CYTIP: variants seen among roughly 807,000 people sequenced by gnomAD.
CYTIP encodes the protein cytohesin-interacting protein.
In CYTIP, 26 loss-of-function variants were observed where a neutral mutation model predicts 43.8. That is an observed-to-expected ratio of 0.59 (90% CI 0.44 to 0.82). The LOEUF (loss-of-function observed/expected upper bound fraction) is 0.82, where lower values mean the gene tolerates loss of function less well. Ranked by LOEUF, CYTIP falls within the 40% of genes least tolerant of loss-of-function variation. The pLI is 0.00. For missense variants in CYTIP, 426 were observed against 443.1 expected (o/e 0.96, Z 0.35); for synonymous variants, 162 against 162.9 (o/e 0.99, Z 0.04).
chr2:157,420,558 G>C (rs1376311202), intron 6 of CYTIP, among the ~76,000 whole-genome samples: 1 of 143,686 alleles, frequency 7.0e-6, no homozygotes, highest in Admixed American at 7.4e-5. Flanking sequence ...GGCTGATGTA[G>C]AAGGATCACT....
At chr2:157,428,393 T>TA (rs1184198518) in intron 5 of CYTIP, among the ~76,000 whole-genome samples, 1 of 152,216 alleles carries the variant, frequency 6.6e-6, no homozygotes, top group Non-Finnish European at 1.5e-5. Context: ...AATAATCAGG[T>TA]GGTAGCAAGC....
At chr2:157,425,527 T>G (rs183010716) in intron 6 of CYTIP, among the ~76,000 whole-genome samples, 1 of 152,176 alleles carries the variant, frequency 6.6e-6, no homozygotes. Flanking sequence ...GCTCATGATG[T>G]TCTGGAAGAG....
chr2:157,423,462 T>C (rs1012967592), intron 6 of CYTIP, among the ~76,000 whole-genome samples: 9 of 126,290 alleles, frequency 7.1e-5, no homozygotes, highest in African/African-American at 2.3e-4. Flanking sequence ...GCTAAAACTG[T>C]CTTTAAAAAA....
chr2:157,442,002 C>T (rs1213476292), intron 1 of CYTIP, among the ~76,000 whole-genome samples: 1 of 152,038 alleles, frequency 6.6e-6, no homozygotes, highest in African/African-American at 2.4e-5. Context: ...CTGAGATCTC[C>T]TCTCACCTCC....
intron 3 of CYTIP, among the ~76,000 whole-genome samples, chr2:157,432,304 T>C (rs924148293): frequency 1.3e-5 from 2 of 152,152 alleles, no homozygotes; most frequent in South Asian, 2.1e-4. Flanking sequence ...TAGTTAGAAA[T>C]AGAAAAAAAC....
At chr2:157,441,821 T>G (rs943341774) in intron 1 of CYTIP, among the ~76,000 whole-genome samples, 17 of 152,194 alleles carry the variant, frequency 1.1e-4, no homozygotes, top group African/African-American at 4.1e-4. Context: ...CCATTTCCTC[T>G]TTCTCCAACT....
At chr2:157,425,261 CA>C (rs1254979641) in intron 6 of CYTIP, among the ~76,000 whole-genome samples, 1 of 152,042 alleles carries the variant, frequency 6.6e-6, no homozygotes, top group Non-Finnish European at 1.5e-5. Context: ...GAAATAAAAA[CA>C]TTTTTACACA....
intron 1 of CYTIP, among the ~76,000 whole-genome samples, chr2:157,438,277 A>G (rs1489473454): frequency 6.6e-6 from 1 of 152,220 alleles, no homozygotes; most frequent in East Asian, 1.9e-4. Context: ...CCAGGAATAG[A>G]AAGTTAAACA....
At chr2:157,424,734 T>C (rs1685577715) in intron 6 of CYTIP, among the ~76,000 whole-genome samples, 2 of 152,158 alleles carry the variant, frequency 1.3e-5, no homozygotes, top group African/African-American at 2.4e-5. Context: ...AACACCAACA[T>C]TTATTTACAT....
intron 5 of CYTIP, among the ~76,000 whole-genome samples, 194 bp downstream of exon 5, chr2:157,430,365 T>C (rs924450622): frequency 3.9e-5 from 6 of 152,202 alleles, no homozygotes; most frequent in African/African-American, 1.4e-4. Flanking sequence ...ACTTCAGATG[T>C]TGACAGTATG....
At chr2:157,422,670 C>CAA (rs967207257) in intron 6 of CYTIP, among the ~76,000 whole-genome samples, 2,920 of 64,450 alleles carry the variant, frequency 0.045, 82 homozygotes, top group Admixed American at 0.15. Context: ...AACTCTGTCT[C>CAA]AAAAAAAAAA....
intron 6 of CYTIP, among the ~76,000 whole-genome samples, chr2:157,419,173 T>A (rs1286281517): frequency 6.6e-6 from 1 of 152,162 alleles, no homozygotes; most frequent in African/African-American, 2.4e-5. Flanking sequence ...CAAATTTCTG[T>A]CTTTTTAGTA....
chr2:157,426,319 T>C (rs894847077), intron 6 of CYTIP, among the ~76,000 whole-genome samples: 48 of 152,188 alleles, frequency 3.2e-4, no homozygotes, highest in Non-Finnish European at 4.0e-4. Context: ...ATTTCATAAA[T>C]ACAATTCAAT....
intron 1 of CYTIP, among the ~76,000 whole-genome samples, chr2:157,440,859 A>G (rs1462987669): frequency 6.6e-6 from 1 of 152,152 alleles, no homozygotes; most frequent in Non-Finnish European, 1.5e-5. Context: ...TAAGACAATC[A>G]CTACTTCTTT....
At chr2:157,419,756 G>T (rs138359673) in intron 6 of CYTIP, among the ~76,000 whole-genome samples, 1 of 152,286 alleles carries the variant, frequency 6.6e-6, no homozygotes, top group Non-Finnish European at 1.5e-5. Flanking sequence ...GTAGATGAAG[G>T]CTAAAAAGGA....
chr2:157,440,679 G>T (rs1685894407), intron 1 of CYTIP, among the ~76,000 whole-genome samples: 1 of 152,178 alleles, frequency 6.6e-6, no homozygotes, highest in African/African-American at 2.4e-5. Context: ...CCTGCCAGAA[G>T]TTGCCTATTT....
intron 6 of CYTIP, among the ~76,000 whole-genome samples, chr2:157,426,894 T>A (rs1685619202): frequency 6.6e-6 from 1 of 152,176 alleles, no homozygotes; most frequent in Non-Finnish European, 1.5e-5. Flanking sequence ...TGAAAGCAGA[T>A]TCAAGGACAG....
Position 157,443,989 on chromosome 2 carries a change from C to T in CYTIP, c.32G>A (p.Ser11Asn). Reference sequence around the variant, plus strand: ...GCAGAAGTCCGCCAAATTGCCATTGCTGCTGTGTTGCAGGAGCCTTTGTAA... The same window carrying T: ...GCAGAAGTCCGCCAAATTGCCATTGTTGCTGTGTTGCAGGAGCCTTTGTAA... MSLQRLLQHS[S>N]NGNLADFCAG... The change falls in exon 1 of 8, where the codon AGC becomes AAC. Residue 11 changes from serine to asparagine, a missense_variant. Coordinates refer to ENST00000264192, the MANE Select transcript of CYTIP (RefSeq NM_004288.5). The T allele has an allele frequency of 6.2e-7, 1 of 1,614,074 alleles. No individual in the cohort carries two copies. The highest frequency in any genetic ancestry group is 8.5e-7 in the Non-Finnish European group (1 of 1,179,934).
chr2:157,434,348 AGAAAATGT>A lies in CYTIP; in HGVS notation c.279+14_279+21del. 1.2e-6 allele frequency: 2 copies of A among 1,600,638 alleles called. No homozygotes were observed. Among genetic ancestry groups the A allele is most frequent in the Non-Finnish European group, 1.7e-6 (2 of 1,167,982 alleles). ...GTGCCACTTTCTTCCTTGGAAGTCT[AGAAAATGT>A]GAAAATTGCCCACCTGAATTTCAAA... On this transcript the variant is annotated intron_variant, in intron 3 of 7. Coordinates refer to ENST00000264192, the MANE Select transcript of CYTIP (RefSeq NM_004288.5).
Sources: allele counts gnomAD v4.1 joint callset (sites outside exome capture counted in the v4.1 genomes callset), GRCh38; gene constraint gnomAD v4.1.1; transcripts MANE v1.5; gene names NCBI Gene and HGNC (gene_info 2026-07-23, HGNC 2026-07-21).